The following ATP2C2 variants were observed in gnomAD, a reference collection of about 807,000 sequenced individuals.
The protein encoded by ATP2C2 is ATPase secretory pathway Ca2+ transporting 2.
Under a neutral mutation model 110.8 loss-of-function variants are expected in ATP2C2, and 171 were observed. The observed-to-expected ratio is 1.54, with a 90% CI of 1.36 to 1.75. The LOEUF (loss-of-function observed/expected upper bound fraction) is 1.75, where lower values mean the gene tolerates loss of function less well. ATP2C2 is among the 40% of genes most tolerant of loss of function. The pLI, the probability that ATP2C2 is intolerant of heterozygous loss-of-function variation, is 0.00. For synonymous variants in ATP2C2, 804 were observed against 508.4 expected (o/e 1.58, Z -7.82); for missense variants, 1,963 against 1,235.0 (o/e 1.59, Z -8.84).
intron 12 of ATP2C2, 40 bp from the exon 13 acceptor site, chr16:84,439,387 T>A (rs375518718): frequency 6.3e-7 from 1 of 1,585,238 alleles, no homozygotes; most frequent in Non-Finnish European, 8.6e-7. Context: ...AGCCTGAGGA[T>A]GGCAACTTCT....
intron 3 of ATP2C2, chr16:84,407,423 G>GA (rs1280903230): frequency 6.6e-6 from 1 of 152,238 alleles, no homozygotes; most frequent in African/African-American, 2.4e-5. Context: ...TCCCTGAGGG[G>GA]ACAGGAGCCT....
At chr16:84,397,785 A>C (rs1454260964) in intron 1 of ATP2C2, among the ~76,000 whole-genome samples, 2 of 151,924 alleles carry the variant, frequency 1.3e-5, no homozygotes, top group African/African-American at 4.9e-5. Flanking sequence ...TGGAATACTA[A>C]GCTGCTGTGA....
chr16:84,450,534 G>A (rs775722658), intron 17 of ATP2C2, among the ~76,000 whole-genome samples: 13 of 152,172 alleles, frequency 8.5e-5, no homozygotes, highest in Non-Finnish European at 1.5e-4. Flanking sequence ...ACTAGAAGCA[G>A]GGGATGCTCC....
rs538858776 is a variant in ATP2C2 at position 84,371,222 on chromosome 16, AG to A, written c.99+2509del. On this transcript the variant is annotated intron_variant, in intron 1 of 26. Transcript: ENST00000262429. ...GATTTCAGCATTTCCAGGAATGGAA[AG>A]AAAGGTGTTTGAGCCGGGCGCAGTG... Among the ~76,000 whole-genome samples, 15 of 152,318 alleles carry A rather than the reference AG, an allele frequency of 9.8e-5. No individual in the cohort carries two copies. The East Asian group carries it at 2.7e-3, about 27-fold the overall frequency.
chr16:84,380,648 C>T (rs1910522759), intron 1 of ATP2C2, among the ~76,000 whole-genome samples: 1 of 152,132 alleles, frequency 6.6e-6, no homozygotes, highest in Non-Finnish European at 1.5e-5. Context: ...AAGTCTACAG[C>T]CCAGGCTGCC....
chr16:84,384,569 T>C (rs947610354), intron 1 of ATP2C2, among the ~76,000 whole-genome samples: 2 of 152,348 alleles, frequency 1.3e-5, no homozygotes, highest in African/African-American at 2.4e-5. Flanking sequence ...CTTTCTCCCT[T>C]GTAATGATTA....
chr16:84,370,758 C>G (rs1909907398), intron 1 of ATP2C2, among the ~76,000 whole-genome samples: 1 of 151,440 alleles, frequency 6.6e-6, no homozygotes, highest in East Asian at 1.9e-4. Context: ...TTTATGAGCA[C>G]TAATTACATG....
intron 15 of ATP2C2, among the ~76,000 whole-genome samples, chr16:84,445,055 T>G (rs1567730740): frequency 1.3e-5 from 2 of 152,154 alleles, no homozygotes; most frequent in Non-Finnish European, 2.9e-5. Context: ...AATCAAGGTG[T>G]GAGCAGGGCC....
At chr16:84,427,493 G>A (rs1030318326) in intron 11 of ATP2C2, among the ~76,000 whole-genome samples, 10 of 152,134 alleles carry the variant, frequency 6.6e-5, no homozygotes, top group African/African-American at 2.2e-4. Flanking sequence ...CAAGGCAGAC[G>A]ATCACCTAAG....
At chr16:84,437,962 A>G (rs184956091) in intron 11 of ATP2C2, among the ~76,000 whole-genome samples, 1 of 152,180 alleles carries the variant, frequency 6.6e-6, no homozygotes, top group African/African-American at 2.4e-5. Flanking sequence ...TCCCTTATGA[A>G]TGGACTCGTG....
chr16:84,378,494 T>A (rs1910382614), intron 1 of ATP2C2, among the ~76,000 whole-genome samples: 1 of 152,192 alleles, frequency 6.6e-6, no homozygotes, highest in African/African-American at 2.4e-5. Context: ...GGGTAACAGA[T>A]CTAAGCATTC....
intron 6 of ATP2C2, among the ~76,000 whole-genome samples, chr16:84,411,431 A>G (rs956139098): frequency 1.3e-5 from 2 of 152,154 alleles, no homozygotes; most frequent in African/African-American, 4.8e-5. Context: ...CCAATATGGC[A>G]TCTGACAATT....
intron 1 of ATP2C2, 117 bp downstream of exon 1, chr16:84,368,831 C>T (rs1258676068): frequency 6.8e-6 from 6 of 885,442 alleles, no homozygotes; most frequent in Admixed American, 6.5e-5. Flanking sequence ...CGCCCTCCTC[C>T]CCTGGCTCTG....
chr16:84,418,739 G>A (rs1221686344), intron 7 of ATP2C2, among the ~76,000 whole-genome samples: 3 of 152,190 alleles, frequency 2.0e-5, no homozygotes, highest in African/African-American at 7.2e-5. Flanking sequence ...CTCCCTGTGA[G>A]CAGCTGTTCA....
intron 2 of ATP2C2, among the ~76,000 whole-genome samples, chr16:84,403,450 AG>A (rs775703003): frequency 9.3e-5 from 14 of 150,302 alleles, no homozygotes; most frequent in Non-Finnish European, 1.6e-4. Flanking sequence ...AGACTACAGG[AG>A]TCTGCCACCA....
At chr16:84,391,452 A>G (rs928817983) in intron 1 of ATP2C2, among the ~76,000 whole-genome samples, 3 of 152,222 alleles carry the variant, frequency 2.0e-5, no homozygotes, top group African/African-American at 7.2e-5. Context: ...CCTTATTTGC[A>G]AATAGGGTCT....
At chr16:84,436,676 C>T (rs965756638) in intron 11 of ATP2C2, among the ~76,000 whole-genome samples, 1 of 151,848 alleles carries the variant, frequency 6.6e-6, no homozygotes, top group African/African-American at 2.4e-5. Flanking sequence ...AGCCTGGCCT[C>T]GGGTGGAGGT....
intron 10 of ATP2C2, among the ~76,000 whole-genome samples, chr16:84,423,961 T>TCA (rs201871120): frequency 0.45 from 68,516 of 151,924 alleles, 15,763 homozygotes; most frequent in African/African-American, 0.5. Context: ...CCCAGTCCCT[T>TCA]CTGGGGCTTC....
intron 1 of ATP2C2, among the ~76,000 whole-genome samples, chr16:84,377,608 A>T (rs1910323453): frequency 6.6e-6 from 1 of 151,950 alleles, no homozygotes; most frequent in Non-Finnish European, 1.5e-5. Context: ...CACCAGTCGT[A>T]TTGGATTAAG....
Sources: gnomAD v4.1 joint callset for allele counts (sites outside exome capture counted in the v4.1 genomes callset) on GRCh38, gnomAD v4.1.1 for gene constraint, MANE v1.5 for transcripts, NCBI Gene and HGNC (gene_info 2026-07-23, HGNC 2026-07-21) for gene names.